DGKB: variants seen among roughly 807,000 people sequenced by gnomAD.
The protein encoded by DGKB is diacylglycerol kinase beta, also known as 90 kDa diacylglycerol kinase.
A neutral mutation model predicts 114.3 loss-of-function variants in DGKB; 67 were observed. That is an observed-to-expected ratio of 0.59 (90% CI 0.48 to 0.72). DGKB has a LOEUF of 0.72. Ranked by LOEUF, DGKB falls within the 30% of genes least tolerant of loss-of-function variation. The pLI is 0.00. For synonymous variants in DGKB, 398 were observed against 323.1 expected, an observed-to-expected ratio of 1.23 and a Z score of -2.49; for missense variants, 907 against 975.2, an observed-to-expected ratio of 0.93 and a Z score of 0.93.
chr7:14,215,654 G>C (rs1482264191), intron 23 of DGKB, among the ~76,000 whole-genome samples: 1 of 152,120 alleles, frequency 6.6e-6, no homozygotes, highest in African/African-American at 2.4e-5. Context: ...CCGAGACACA[G>C]AGTTAAGTAA....
At chr7:14,737,863 C>A (rs12699660) in intron 4 of DGKB, among the ~76,000 whole-genome samples, 36 of 149,344 alleles carry the variant, frequency 2.4e-4, no homozygotes, top group African/African-American at 8.7e-4. Context: ...CACTACACTC[C>A]GGCCTGGCGA....
intron 13 of DGKB, among the ~76,000 whole-genome samples, chr7:14,647,681 C>A (rs972265355): frequency 5.3e-5 from 8 of 152,178 alleles, no homozygotes; most frequent in African/African-American, 1.9e-4. Context: ...CTACAGCTCC[C>A]AGCATGAACG....
At chr7:14,673,080 A>G (rs1033837891) in intron 12 of DGKB, 53 bp from the exon 13 acceptor site, 1 of 967,214 alleles carries the variant, frequency 1.0e-6, no homozygotes, top group Non-Finnish European at 1.6e-6. Flanking sequence ...AACGCCTAAC[A>G]TGGGGGAGAT....
In DGKB at chr7:14,546,226, T is replaced by C. The variant is rs562220008; in HGVS notation, c.1770+27986A>G. ...CAATCCCAATTTAATTTCATTTGAA[T>C]TTCTTTTTTAATTTTTTTTTTCTCA... On this transcript the variant is annotated intron_variant, in intron 20 of 25. Transcript: ENST00000402815. Among the ~76,000 whole-genome samples the C allele has an allele frequency of 3.3e-5, 5 of 152,330 alleles. No individual in the cohort carries two copies. The East Asian group carries it at 9.6e-4, about 29-fold the overall frequency.
Position 14,736,027 on chromosome 7 carries a change from G to A in DGKB, c.322+14C>T. The A allele has an allele frequency of 6.5e-7, 1 of 1,531,310 alleles. No homozygotes were observed. The highest frequency in any genetic ancestry group is 1.2e-5 in the South Asian group (1 of 80,338). 94.9% of individuals were successfully genotyped at this position (1,531,310 alleles called of 1,614,324 possible). ...AATTTGTACTATATAAATGTTTAAA[G>A]TAAGTAAACTTACCGCCTGATAGGA... On this transcript the variant is annotated intron_variant, in intron 5 of 25. Coordinates refer to ENST00000402815, the MANE Select transcript of DGKB (RefSeq NM_001350709.2).
chr7:14,333,988 T>G (rs1231846077), intron 23 of DGKB, among the ~76,000 whole-genome samples: 1 of 152,218 alleles, frequency 6.6e-6, no homozygotes, highest in Non-Finnish European at 1.5e-5. Flanking sequence ...CTGATAAAAG[T>G]GTGCTTGATA....
At chr7:14,479,253 T>A (rs1782639679) in intron 20 of DGKB, among the ~76,000 whole-genome samples, 1 of 152,144 alleles carries the variant, frequency 6.6e-6, no homozygotes, top group Admixed American at 6.6e-5. Context: ...TTGAAAACAC[T>A]AATCAAGGAT....
intron 21 of DGKB, among the ~76,000 whole-genome samples, chr7:14,391,405 A>G (rs2128707529): frequency 6.6e-6 from 1 of 152,160 alleles, no homozygotes; most frequent in African/African-American, 2.4e-5. Flanking sequence ...AAGGGAGGCC[A>G]GACATGGTGG....
At chr7:14,856,016 C>A (rs1202114846) in intron 1 of DGKB, among the ~76,000 whole-genome samples, 2 of 36,420 alleles carry the variant, frequency 5.5e-5, no homozygotes, top group Non-Finnish European at 8.5e-5. Flanking sequence ...CACACACACA[C>A]ACACATAATT....
intron 23 of DGKB, among the ~76,000 whole-genome samples, chr7:14,330,854 T>C (rs1809601737): frequency 6.6e-6 from 1 of 152,026 alleles, no homozygotes. Flanking sequence ...CGATAATGCA[T>C]GTGCTTTTAT....
chr7:14,393,257 G>A (rs573897087), intron 21 of DGKB, among the ~76,000 whole-genome samples: 194 of 151,858 alleles, frequency 1.3e-3, no homozygotes, highest in Non-Finnish European at 2.2e-3. Flanking sequence ...CCAAAGTGCT[G>A]GGATTACAGG....
chr7:14,370,714 T>C (rs1462890157), intron 21 of DGKB, among the ~76,000 whole-genome samples: 2 of 152,154 alleles, frequency 1.3e-5, no homozygotes, highest in African/African-American at 4.8e-5. Context: ...TGGATGTCTG[T>C]TACATGGGTA....
intron 1 of DGKB, among the ~76,000 whole-genome samples, chr7:14,882,924 G>T (rs1293252717): frequency 6.6e-6 from 1 of 151,804 alleles, no homozygotes; most frequent in Non-Finnish European, 1.5e-5. Context: ...AAATAGTGCT[G>T]CAATAAACAC....
At chr7:14,939,621 CTTTTT>C (rs60427374) in intron 1 of DGKB, among the ~76,000 whole-genome samples, 28 of 84,168 alleles carry the variant, frequency 3.3e-4, no homozygotes, top group African/African-American at 1.3e-3. Flanking sequence ...AAATATAATA[CTTTTT>C]TTTTTTTTTT....
chr7:14,168,969 C>T (rs979553261), intron 25 of DGKB, among the ~76,000 whole-genome samples: 1 of 152,074 alleles, frequency 6.6e-6, no homozygotes, highest in Non-Finnish European at 1.5e-5. Flanking sequence ...ATACATATAT[C>T]CCAATAGGAC....
At chr7:14,703,044 T>A (rs894787227) in intron 6 of DGKB, among the ~76,000 whole-genome samples, 4 of 70,246 alleles carry the variant, frequency 5.7e-5, no homozygotes, top group South Asian at 8.0e-4. Flanking sequence ...AATGATTCCT[T>A]CTCATACAGT....
upstream of DGKB, among the ~76,000 whole-genome samples, chr7:14,908,050 T>A (rs143612592): frequency 6.6e-6 from 1 of 152,214 alleles, no homozygotes; most frequent in Non-Finnish European, 1.5e-5. Flanking sequence ...AGCCCAGCCA[T>A]TTATTTGGCT....
At chr7:14,607,238 A>T (rs1388398965) in intron 17 of DGKB, among the ~76,000 whole-genome samples, 196 bp downstream of exon 17, 1 of 151,850 alleles carries the variant, frequency 6.6e-6, no homozygotes, top group African/African-American at 2.4e-5. Context: ...ATTTAGAAAG[A>T]AGAAAAATCT....
intron 20 of DGKB, among the ~76,000 whole-genome samples, chr7:14,517,983 A>G (rs1030523176): frequency 1.3e-5 from 2 of 152,182 alleles, no homozygotes; most frequent in African/African-American, 4.8e-5. Context: ...AGGGATATTA[A>G]TAATTCTGCC....
Sources: allele counts gnomAD v4.1 joint callset (sites outside exome capture counted in the v4.1 genomes callset), GRCh38; gene constraint gnomAD v4.1.1; transcripts MANE v1.5; gene names NCBI Gene and HGNC (gene_info 2026-07-23, HGNC 2026-07-21).